DOCK10: variants seen among roughly 807,000 people sequenced by gnomAD.
The protein encoded by DOCK10 is dedicator of cytokinesis protein 10.
In DOCK10, 145 loss-of-function variants were observed where a neutral mutation model predicts 280.1. The observed-to-expected ratio is 0.52, with a 90% CI of 0.45 to 0.59. The LOEUF (loss-of-function observed/expected upper bound fraction) is 0.59, where lower values mean the gene tolerates loss of function less well. Ranked by LOEUF, DOCK10 falls within the 20% of genes least tolerant of loss-of-function variation. DOCK10 has a pLI of 0.00. For synonymous variants in DOCK10, 915 were observed against 942.2 expected (o/e 0.97, Z 0.53); for missense variants, 2,368 against 2,651.7 (o/e 0.89, Z 2.35).
chr2:224,793,431 A>G lies in DOCK10; in HGVS notation c.5181T>C (p.Ala1727=). 1 of 1,613,702 alleles carries G rather than the reference A, an allele frequency of 6.2e-7. No homozygotes were observed. Among genetic ancestry groups the G allele is most frequent in the South Asian group, 1.1e-5 (1 of 91,048 alleles). ...TTTTCAGATACTCTGCAATGAGAGC[A>G]GCAATATGGATGTAACACATGGCAG... ...SEAAMCYIHI[A]ALIAEYLKRK... Residue 1727 remains alanine, a synonymous_variant, in exon 46 of 56, where the codon GCT becomes GCC. Transcript: ENST00000258390.
chr2:225,030,049 G>A (rs1690034125), intron 1 of DOCK10, among the ~76,000 whole-genome samples: 1 of 151,592 alleles, frequency 6.6e-6, no homozygotes, highest in Non-Finnish European at 1.5e-5. Flanking sequence ...GGGAGGCTGA[G>A]GCAGAAGAAT....
At chr2:224,817,116 T>C (rs973118256) in intron 29 of DOCK10, among the ~76,000 whole-genome samples, 43 of 152,216 alleles carry the variant, frequency 2.8e-4, no homozygotes, top group African/African-American at 1.0e-3. Flanking sequence ...AATGAGCTCC[T>C]ACCATCCAGA....
intron 1 of DOCK10, among the ~76,000 whole-genome samples, chr2:224,938,732 T>C (rs758269981): frequency 6.6e-6 from 1 of 152,190 alleles, no homozygotes; most frequent in East Asian, 1.9e-4. Flanking sequence ...ACGCCACTTG[T>C]GTTTAAAACA....
At chr2:225,016,703 A>T in intron 1 of DOCK10, among the ~76,000 whole-genome samples, 1 of 147,428 alleles carries the variant, frequency 6.8e-6, no homozygotes, top group Non-Finnish European at 1.5e-5. Flanking sequence ...GTATATATAT[A>T]GACATAATTT....
At chr2:224,982,510 A>G in intron 1 of DOCK10, 1 of 1,225,396 alleles carries the variant, frequency 8.2e-7, no homozygotes, top group Non-Finnish European at 1.0e-6. Flanking sequence ...TGATCATCTG[A>G]TCATGGCCAA....
chr2:224,892,431 GA>G (rs1165085004), intron 4 of DOCK10, among the ~76,000 whole-genome samples: 2 of 136,276 alleles, frequency 1.5e-5, no homozygotes, highest in East Asian at 2.1e-4. Context: ...AAGAAAGAAA[GA>G]AAAGAAAAGA....
intron 1 of DOCK10, among the ~76,000 whole-genome samples, chr2:224,938,259 G>A (rs1380819557): frequency 6.6e-6 from 1 of 152,142 alleles, no homozygotes; most frequent in East Asian, 1.9e-4. Context: ...CAGCACTGTT[G>A]TTCCCATATA....
intron 7 of DOCK10, among the ~76,000 whole-genome samples, chr2:224,883,118 G>A (rs1401612958): frequency 1.3e-5 from 2 of 152,138 alleles, no homozygotes; most frequent in Admixed American, 6.6e-5. Flanking sequence ...TTATAGACAG[G>A]CCCAGCTTTT....
chr2:224,932,647 A>G (rs1001443721), intron 1 of DOCK10, among the ~76,000 whole-genome samples: 34 of 152,324 alleles, frequency 2.2e-4, no homozygotes, highest in Admixed American at 2.0e-3. Context: ...AAGTGATCCC[A>G]TAAGTGAAAA....
chr2:225,033,918 G>A (rs1425025374), intron 1 of DOCK10, among the ~76,000 whole-genome samples: 1 of 152,176 alleles, frequency 6.6e-6, no homozygotes, highest in Non-Finnish European at 1.5e-5. Flanking sequence ...CACAGTTGAA[G>A]GAGCCTTTGT....
At chr2:224,982,665 C>G in intron 1 of DOCK10, 1 of 300,618 alleles carries the variant, frequency 3.3e-6, no homozygotes, top group Non-Finnish European at 4.9e-6. Flanking sequence ...CTTCGATTCT[C>G]CTTTCAGAGG....
rs760721930 is a variant in DOCK10 at position 224,885,707 on chromosome 2, T to C, written c.711A>G (p.Gly237=). 6 of 1,613,258 alleles carry C rather than the reference T, an allele frequency of 3.7e-6. No individual in the cohort carries two copies. Among genetic ancestry groups the C allele is most frequent in the South Asian group, 2.2e-5 (2 of 90,958 alleles). Residue 237 remains glycine, a synonymous_variant, in exon 7 of 56, where the codon GGA becomes GGG. Coordinates refer to ENST00000258390, the MANE Select transcript of DOCK10 (RefSeq NM_014689.3). ...CTGTACAGGAATCCAAAAAGATGCA[T>C]CCTTTGGGTTCTTTGGATATTTTCT... ...KDEKISKEPK[G]CIFLDSCTGV... is the part of the protein sequence containing the mutation.
intron 25 of DOCK10, 68 bp downstream of exon 25, chr2:224,837,694 C>T: frequency 7.3e-7 from 1 of 1,361,828 alleles, no homozygotes; most frequent in Non-Finnish European, 1.1e-6. Flanking sequence ...CCACTTACTG[C>T]AGACAGGAAA....
intron 4 of DOCK10, among the ~76,000 whole-genome samples, chr2:224,889,089 G>C (rs1699505337): frequency 6.6e-6 from 1 of 152,202 alleles, no homozygotes; most frequent in Non-Finnish European, 1.5e-5. Context: ...TTTGTTTTAA[G>C]ATTATTTATA....
At chr2:224,852,503 C>A in intron 17 of DOCK10, 61 bp from the exon 18 acceptor site, 1 of 1,358,228 alleles carries the variant, frequency 7.4e-7, no homozygotes, top group Non-Finnish European at 1.0e-6. Flanking sequence ...ATAAAAAACC[C>A]AAGTGCCTAA....
At chr2:224,964,963 T>C (rs1704649031) in intron 1 of DOCK10, among the ~76,000 whole-genome samples, 1 of 152,234 alleles carries the variant, frequency 6.6e-6, no homozygotes, top group Non-Finnish European at 1.5e-5. Context: ...CTAGTATGGA[T>C]GTCCGCAGCA....
rs1314581750 is a variant in DOCK10 at position 224,864,682 on chromosome 2, A to G, written c.1480-7T>C. The G allele has an allele frequency of 1.9e-6, 3 of 1,603,660 alleles. No individual in the cohort carries two copies. The Admixed American group carries it at 5.2e-5, about 28-fold the overall frequency. On this transcript the variant is annotated splice_polypyrimidine_tract_variant and splice_region_variant and intron_variant, in intron 12 of 55. Transcript: ENST00000258390. ...TGCTTACAGAAAATACAGCCTGTGT[A>G]CAAAGAAAGCAGCTAATAAGCATGG...
At chr2:224,927,208 CAGAA>C (rs146271076) in intron 2 of DOCK10, among the ~76,000 whole-genome samples, 1,951 of 151,870 alleles carry the variant, frequency 0.013, 21 homozygotes, top group South Asian at 0.02. Context: ...GTTGGGGGAA[CAGAA>C]AGAATGCTTG....
At chr2:224,987,783 G>T (rs1706010801) in intron 1 of DOCK10, among the ~76,000 whole-genome samples, 1 of 152,120 alleles carries the variant, frequency 6.6e-6, no homozygotes, top group Non-Finnish European at 1.5e-5. Context: ...TTAATTTACA[G>T]TGAGACTGAC....
Sources: gnomAD v4.1 joint callset for allele counts (sites outside exome capture counted in the v4.1 genomes callset) on GRCh38, gnomAD v4.1.1 for gene constraint, MANE v1.5 for transcripts, NCBI Gene and HGNC (gene_info 2026-07-23, HGNC 2026-07-21) for gene names.